The following STX18 variants were observed in gnomAD, a reference collection of about 807,000 sequenced individuals.
STX18 encodes syntaxin 18.
STX18 carries 40 observed loss-of-function variants against 50.1 expected under a neutral mutation model. The observed-to-expected ratio is 0.80, with a 90% CI of 0.62 to 1.04. STX18 has a LOEUF of 1.04. Among genes scored for constraint, STX18 ranks in the 50% least tolerant of loss-of-function variants. The probability of loss-of-function intolerance (pLI) is 0.00; values close to 1 mark genes in which losing one functional copy is unlikely to be tolerated. For missense variants in STX18, 410 were observed against 415.8 expected (o/e 0.99, Z 0.12); for synonymous variants, 158 against 151.8 (o/e 1.04, Z -0.30).
At chr4:4,438,661 A>G (rs562534728) in intron 5 of STX18, 152 bp from the exon 6 acceptor site, 13 of 620,366 alleles carry the variant, frequency 2.1e-5, no homozygotes, top group Non-Finnish European at 3.4e-5. Context: ...CCATCCGGAC[A>G]CACCTCCACT....
chr4:4,444,343 CAG>C (rs1285742677), intron 5 of STX18, among the ~76,000 whole-genome samples: 2 of 152,156 alleles, frequency 1.3e-5, no homozygotes, highest in Non-Finnish European at 2.9e-5. Context: ...CTGAAGTTAA[CAG>C]GGGTCTGGCA....
intron 1 of STX18, among the ~76,000 whole-genome samples, chr4:4,541,560 C>G (rs569224874): frequency 2.0e-5 from 3 of 152,000 alleles, no homozygotes; most frequent in Non-Finnish European, 2.9e-5. Flanking sequence ...CCTTTCTTGT[C>G]CCCCAATCCC....
intron 1 of STX18, among the ~76,000 whole-genome samples, chr4:4,500,329 G>A (rs1052331242): frequency 2.6e-5 from 4 of 152,152 alleles, no homozygotes; most frequent in African/African-American, 9.7e-5. Context: ...ACCATGGACG[G>A]AAAATATTTT....
chr4:4,454,415 G>A (rs1368696497), intron 5 of STX18, among the ~76,000 whole-genome samples: 1 of 152,156 alleles, frequency 6.6e-6, no homozygotes, highest in Non-Finnish European at 1.5e-5. Context: ...AAGAACTAAG[G>A]TAGCAGCAAA....
chr4:4,505,577 C>T (rs1044276392), intron 1 of STX18, among the ~76,000 whole-genome samples: 2 of 151,176 alleles, frequency 1.3e-5, no homozygotes, highest in South Asian at 2.1e-4. Context: ...GCCAGGTGTT[C>T]GAGACCAGCC....
In STX18 at chr4:4,425,269, G is replaced by GT. The variant is rs1560156373; in HGVS notation, c.703-48_703-47insA. The GT allele has an allele frequency of 5.2e-6, 8 of 1,548,816 alleles. No homozygotes were observed. The African/African-American group carries it at 8.2e-5, about 16-fold the overall frequency. On this transcript the variant is annotated intron_variant, in intron 7 of 10. Transcript: ENST00000306200. ...CAGGATGACATCATACTGAACTTAG[G>GT]CAAGAGTCTAGCAAGAAAGCGGACC...
intron 1 of STX18, among the ~76,000 whole-genome samples, chr4:4,491,398 C>A (rs973642628): frequency 2.6e-5 from 4 of 151,924 alleles, no homozygotes; most frequent in African/African-American, 9.7e-5. Flanking sequence ...AGAAATGATA[C>A]CATAATACTA....
chr4:4,528,339 G>A (rs996773655), intron 1 of STX18, among the ~76,000 whole-genome samples: 2 of 152,096 alleles, frequency 1.3e-5, no homozygotes, highest in Non-Finnish European at 2.9e-5. Context: ...CTCATGAATG[G>A]CTTAGCGCTG....
chr4:4,419,690 T>G lies in STX18; in HGVS notation c.*344A>C, dbSNP rs1724825455. 1 of 206,080 alleles carries G rather than the reference T, an allele frequency of 4.9e-6. No homozygotes were observed. The highest frequency in any genetic ancestry group is 1.1e-4 in the South Asian group (1 of 8,728). 12.8% of individuals were successfully genotyped at this position (206,080 alleles called of 1,614,324 possible). ...GTCTTCCTTTGAACCCTGAGACAAT[T>G]AGGGGCTCTTGAGGCCTGCTGTGCC... On this transcript the variant is annotated 3_prime_UTR_variant, in exon 11 of 11. Coordinates refer to ENST00000306200, the MANE Select transcript of STX18 (RefSeq NM_016930.4).
intron 2 of STX18, 55 bp from the exon 3 acceptor site, chr4:4,459,542 TGA>T: frequency 1.5e-6 from 2 of 1,297,620 alleles, no homozygotes; most frequent in Non-Finnish European, 2.2e-6. Flanking sequence ...TAATATAGTC[TGA>T]GTGGGATGGG....
intron 5 of STX18, among the ~76,000 whole-genome samples, chr4:4,439,123 T>C (rs1725955093): frequency 1.1e-5 from 1 of 92,758 alleles, no homozygotes; most frequent in South Asian, 4.0e-4. Flanking sequence ...CCCACATGTA[T>C]ACACACAATA....
At chr4:4,499,669 C>G (rs1729343818) in intron 1 of STX18, 1 of 319,386 alleles carries the variant, frequency 3.1e-6, no homozygotes, top group South Asian at 1.2e-4. Context: ...CAGGAACTGT[C>G]AAGTTACTTA....
chr4:4,535,092 C>T (rs537580580), intron 1 of STX18, among the ~76,000 whole-genome samples: 14 of 152,312 alleles, frequency 9.2e-5, no homozygotes, highest in East Asian at 7.7e-4. Flanking sequence ...CTTCTACCTA[C>T]GTCTGGTGGA....
At chr4:4,428,283 G>C (rs141124385) in intron 7 of STX18, among the ~76,000 whole-genome samples, 1 of 152,214 alleles carries the variant, frequency 6.6e-6, no homozygotes, top group African/African-American at 2.4e-5. Context: ...AGTTTCTTTG[G>C]GGACAGATGT....
chr4:4,453,770 G>A (rs1339494663), intron 5 of STX18: 13 of 642,876 alleles, frequency 2.0e-5, no homozygotes, highest in South Asian at 6.9e-5. Context: ...CACAGGTACC[G>A]TGGACCCCCA....
intron 1 of STX18, among the ~76,000 whole-genome samples, chr4:4,535,968 A>T (rs1178541363): frequency 1.3e-5 from 2 of 152,244 alleles, no homozygotes; most frequent in Non-Finnish European, 2.9e-5. Context: ...TGCCTCTGAA[A>T]AGGAAATCAA....
intron 5 of STX18, among the ~76,000 whole-genome samples, chr4:4,445,549 AC>A (rs1726349460): frequency 6.6e-6 from 1 of 152,186 alleles, no homozygotes; most frequent in African/African-American, 2.4e-5. Context: ...GCAACGAGAA[AC>A]TGGAAAATAA....
chr4:4,540,590 C>T (rs750802781), intron 1 of STX18, among the ~76,000 whole-genome samples: 1 of 152,186 alleles, frequency 6.6e-6, no homozygotes, highest in Non-Finnish European at 1.5e-5. Flanking sequence ...TCTTTTTGTG[C>T]CCTACACAAC....
intron 2 of STX18, among the ~76,000 whole-genome samples, chr4:4,469,873 A>C (rs1020707409): frequency 1.3e-5 from 2 of 152,154 alleles, no homozygotes; most frequent in African/African-American, 4.8e-5. Context: ...ACCCTATTAG[A>C]GGTTCCAAAC....
Sources: allele counts gnomAD v4.1 joint callset (sites outside exome capture counted in the v4.1 genomes callset), GRCh38; gene constraint gnomAD v4.1.1; transcripts MANE v1.5; gene names NCBI Gene and HGNC (gene_info 2026-07-23, HGNC 2026-07-21).